Variants in EEPD1 observed in about 807,000 individuals in gnomAD.
EEPD1 encodes the protein endonuclease/exonuclease/phosphatase family domain-containing protein 1.
Under a neutral mutation model 46.3 loss-of-function variants are expected in EEPD1, and 17 were observed. That is an observed-to-expected ratio of 0.37 (90% CI 0.25 to 0.55). EEPD1 has a LOEUF of 0.55. Ranked by LOEUF, EEPD1 falls within the 20% of genes least tolerant of loss-of-function variation. The pLI, the probability that EEPD1 is intolerant of heterozygous loss-of-function variation, is 0.83. For missense variants in EEPD1, 673 were observed against 745.6 expected (o/e 0.90, Z 1.13); for synonymous variants, 313 against 315.6 (o/e 0.99, Z 0.09).
At chr7:36,167,254 C>T (rs1403982171) in intron 2 of EEPD1, among the ~76,000 whole-genome samples, 1 of 152,130 alleles carries the variant, frequency 6.6e-6, no homozygotes, top group Non-Finnish European at 1.5e-5. Flanking sequence ...ACAATTTAGC[C>T]CCTGACAAGA....
At chr7:36,184,264 A>T (rs903865154) in intron 2 of EEPD1, among the ~76,000 whole-genome samples, 1 of 152,136 alleles carries the variant, frequency 6.6e-6, no homozygotes, top group Non-Finnish European at 1.5e-5. Flanking sequence ...GTATTTTTCT[A>T]CCACTAAAAA....
At chr7:36,156,072 A>G (rs1020592302) in intron 2 of EEPD1, among the ~76,000 whole-genome samples, 1 of 152,164 alleles carries the variant, frequency 6.6e-6, no homozygotes. Context: ...AGGTCATAAG[A>G]GCTGTGATCC....
chr7:36,219,251 T>A (rs982039744), intron 2 of EEPD1, among the ~76,000 whole-genome samples: 4 of 151,916 alleles, frequency 2.6e-5, no homozygotes, highest in African/African-American at 9.7e-5. Flanking sequence ...TCTTGTAGAT[T>A]TAAAAAATTC....
At chr7:36,184,448 T>C (rs956479866) in intron 2 of EEPD1, among the ~76,000 whole-genome samples, 3 of 152,142 alleles carry the variant, frequency 2.0e-5, no homozygotes, top group African/African-American at 7.2e-5. Flanking sequence ...CAACCCAGCA[T>C]TGGTCTTATT....
chr7:36,155,224 G>C (rs1377123680), intron 2 of EEPD1, 22 bp downstream of exon 2: 1 of 1,502,608 alleles, frequency 6.7e-7, no homozygotes, highest in South Asian at 1.4e-5. Context: ...AACCACCATG[G>C]GTGTTGGGTG....
At chr7:36,268,546 A>G (rs1245939908) in intron 3 of EEPD1, among the ~76,000 whole-genome samples, 1 of 152,150 alleles carries the variant, frequency 6.6e-6, no homozygotes, top group African/African-American at 2.4e-5. Context: ...CCCTCTATCC[A>G]TGCCAGCAGT....
At chr7:36,188,477 A>C (rs1285643219) in intron 2 of EEPD1, among the ~76,000 whole-genome samples, 1 of 152,122 alleles carries the variant, frequency 6.6e-6, no homozygotes, top group Non-Finnish European at 1.5e-5. Flanking sequence ...CATGTGTGAA[A>C]CATTCTGTCA....
chr7:36,175,005 C>T (rs555449959), intron 2 of EEPD1, among the ~76,000 whole-genome samples: 25 of 152,276 alleles, frequency 1.6e-4, no homozygotes, highest in African/African-American at 5.1e-4. Flanking sequence ...AGGAAAGTGA[C>T]GTACAGAAAA....
At chr7:36,242,513 G>T (rs1397551896) in intron 3 of EEPD1, among the ~76,000 whole-genome samples, 1 of 152,114 alleles carries the variant, frequency 6.6e-6, no homozygotes, top group Non-Finnish European at 1.5e-5. Flanking sequence ...CAGGCAAGTG[G>T]CAAACATTTC....
At chr7:36,276,438 C>A (rs1375116393) in intron 3 of EEPD1, among the ~76,000 whole-genome samples, 4 of 152,158 alleles carry the variant, frequency 2.6e-5, no homozygotes, top group Non-Finnish European at 5.9e-5. Context: ...AGGAGAGATT[C>A]CACTGAGTCA....
intron 2 of EEPD1, among the ~76,000 whole-genome samples, chr7:36,195,404 T>TTC (rs1785560762): frequency 6.6e-6 from 1 of 152,202 alleles, no homozygotes; most frequent in African/African-American, 2.4e-5. Flanking sequence ...AGAGGTGGGT[T>TTC]CCTCTATAAA....
At chr7:36,176,428 T>G (rs1048516543) in intron 2 of EEPD1, among the ~76,000 whole-genome samples, 3 of 152,202 alleles carry the variant, frequency 2.0e-5, no homozygotes, top group African/African-American at 7.2e-5. Context: ...TCAGGTCTCA[T>G]GGGAGCCTCG....
intron 6 of EEPD1, among the ~76,000 whole-genome samples, chr7:36,293,888 C>T (rs1354666938): frequency 2.0e-5 from 3 of 151,838 alleles, no homozygotes; most frequent in Non-Finnish European, 4.4e-5. Context: ...CGCTTGAACC[C>T]GGGAGGCGGA....
intron 3 of EEPD1, among the ~76,000 whole-genome samples, chr7:36,270,622 C>G (rs1787088218): frequency 6.6e-6 from 1 of 152,178 alleles, no homozygotes; most frequent in Non-Finnish European, 1.5e-5. Context: ...CATGTCCCTG[C>G]AAAGGACATG....
chr7:36,196,220 C>T (rs1009746026), intron 2 of EEPD1, among the ~76,000 whole-genome samples: 1 of 152,008 alleles, frequency 6.6e-6, no homozygotes, highest in Non-Finnish European at 1.5e-5. Context: ...GAGTGAGTGG[C>T]GAGTGAATGT....
At chr7:36,282,045 CTACT>C (rs1303629506) in intron 4 of EEPD1, among the ~76,000 whole-genome samples, 1 of 152,198 alleles carries the variant, frequency 6.6e-6, no homozygotes, top group Non-Finnish European at 1.5e-5. Context: ...TTTTTAGCTA[CTACT>C]TAAAGAGGTA....
intron 2 of EEPD1, among the ~76,000 whole-genome samples, chr7:36,200,038 C>T (rs535319233): frequency 6.6e-6 from 1 of 152,004 alleles, no homozygotes; most frequent in Non-Finnish European, 1.5e-5. Context: ...AAACTCATGT[C>T]ATGGGGGTTT....
At chr7:36,274,822 G>T (rs1328524765) in intron 3 of EEPD1, among the ~76,000 whole-genome samples, 1 of 152,120 alleles carries the variant, frequency 6.6e-6, no homozygotes, top group African/African-American at 2.4e-5. Context: ...CCATACGCAA[G>T]CTCCTGGCAC....
rs557824497 is a variant in EEPD1, at chr7:36,245,132, G to A, written c.930+6096G>A. ...AGCTAATTTTTTTGTATTTTTATTA[G>A]AGATGGGATCTCACCATGTTGGCCA... On this transcript the variant is annotated intron_variant, in intron 3 of 7. Coordinates refer to ENST00000242108, the MANE Select transcript of EEPD1 (RefSeq NM_030636.3). Among the ~76,000 whole-genome samples the A allele has an allele frequency of 4.6e-5, 7 of 152,132 alleles. No homozygotes were observed. The South Asian group carries it at 8.3e-4, about 18-fold the overall frequency.
Sources: allele counts gnomAD v4.1 joint callset (sites outside exome capture counted in the v4.1 genomes callset), GRCh38; gene constraint gnomAD v4.1.1; transcripts MANE v1.5; gene names NCBI Gene and HGNC (gene_info 2026-07-23, HGNC 2026-07-21).